The following EFHC1 variants were observed in gnomAD, a reference collection of about 807,000 sequenced individuals.
EFHC1 encodes the protein EF-hand domain containing 1.
Under a neutral mutation model 69.9 loss-of-function variants are expected in EFHC1, and 53 were observed. The ratio of observed to expected loss-of-function variants is 0.76; its 90% confidence interval spans 0.61 to 0.95. The LOEUF is 0.95. Ranked by LOEUF, EFHC1 falls within the 40% of genes least tolerant of loss-of-function variation. The pLI is 0.00. For missense variants in EFHC1, 739 were observed against 798.7 expected, an observed-to-expected ratio of 0.93 and a Z score of 0.90; for synonymous variants, 256 against 278.4, an observed-to-expected ratio of 0.92 and a Z score of 0.80.
chr6:52,424,146 G>A lies in EFHC1; in HGVS notation c.264G>A (p.Ala88=), dbSNP rs1455166533. 5.6e-6 allele frequency: 9 copies of A among 1,613,836 alleles called. No homozygotes were observed. The highest frequency in any genetic ancestry group is 3.3e-5 in the Admixed American group (2 of 60,006). Residue 88 remains alanine (A), a synonymous_variant, in exon 2 of 11, where the codon GCG becomes GCA. Coordinates refer to ENST00000371068, the MANE Select transcript of EFHC1 (RefSeq NM_018100.4). ...CCCCACCTGCGGATTTTATTCCTGC[G>A]CATGTGGCCTTTGACAAAAAGGTAT... The part of the protein sequence containing the change: ...KQAPPADFIP[A]HVAFDKKVLK...
chr6:52,429,599 T>C (rs768963489), intron 2 of EFHC1, among the ~76,000 whole-genome samples: 8 of 152,192 alleles, frequency 5.3e-5, no homozygotes, highest in Admixed American at 2.0e-4. Flanking sequence ...ACTATGGTCT[T>C]ATAGTATAGT....
intron 2 of EFHC1, among the ~76,000 whole-genome samples, chr6:52,433,502 G>T (rs1221285175): frequency 1.3e-5 from 2 of 152,218 alleles, no homozygotes; most frequent in Admixed American, 6.5e-5. Flanking sequence ...ACTGGGGGTT[G>T]TCTGCACAGA....
chr6:52,436,376 C>A (rs1764532397), intron 2 of EFHC1, among the ~76,000 whole-genome samples: 1 of 151,588 alleles, frequency 6.6e-6, no homozygotes, highest in Non-Finnish European at 1.5e-5. Context: ...GTTACGCTAC[C>A]CATTTTTTTT....
chr6:52,452,289 A>G (rs886143428), intron 3 of EFHC1, among the ~76,000 whole-genome samples: 1 of 152,106 alleles, frequency 6.6e-6, no homozygotes, highest in African/African-American at 2.4e-5. Context: ...AGAAATCATT[A>G]TTACACTTTT....
At chr6:52,486,056 C>T (rs533783531) in intron 9 of EFHC1, 1 of 152,118 alleles carries the variant, frequency 6.6e-6, no homozygotes, top group Non-Finnish European at 1.5e-5. Context: ...GCGTTTAGCT[C>T]CCGACTCACC....
Position 52,469,383 on chromosome 6 carries a change from T to C in EFHC1, c.1188T>C (p.Asn396=). The part of the protein sequence containing the change: ...GFGLVEDSAQ[N]CFALIPKAPK... The stretch of plus-strand genomic sequence containing the variant: ...GACTAGTGGAAGATTCTGCTCAGAA[T>C]TGTTTTGCTCTCATTCCAAAAGCTC... Residue 396 remains asparagine (N), a synonymous_variant, in exon 7 of 11, where the codon AAT becomes AAC. Transcript: ENST00000371068. The C allele has an allele frequency of 1.2e-6, 2 of 1,614,068 alleles. No individual in the cohort carries two copies. Among genetic ancestry groups the C allele is most frequent in the Middle Eastern group, 1.7e-4 (1 of 6,060 alleles).
At chr6:52,470,429 C>T (rs1765412026) in intron 7 of EFHC1, among the ~76,000 whole-genome samples, 1 of 152,186 alleles carries the variant, frequency 6.6e-6, no homozygotes, top group Non-Finnish European at 1.5e-5. Context: ...GTAACTATAA[C>T]TCCTTAAGGG....
In EFHC1 at chr6:52,479,668, T is replaced by TAC; in HGVS notation, c.1523_1524dup (p.Asp509GlnfsTer6). The TAC allele has an allele frequency of 6.2e-7, 1 of 1,614,228 alleles. No individual in the cohort carries two copies. The highest frequency in any genetic ancestry group is 8.5e-7 in the Non-Finnish European group (1 of 1,180,042). On this transcript the variant is annotated frameshift_variant, in exon 9 of 11. Coordinates refer to ENST00000371068, the MANE Select transcript of EFHC1 (RefSeq NM_018100.4). LOFTEE classifies it high-confidence loss of function. ...TTGGTCACCGGTTCATCATCCTTGATACAGACGAGTATGTTTTGAAATACA... is the reference window on the plus strand; with the variant it reads ...TTGGTCACCGGTTCATCATCCTTGATACACAGACGAGTATGTTTTGAAATACA...
intron 4 of EFHC1, 166 bp downstream of exon 4, chr6:52,453,003 G>C (rs745861268): frequency 1.4e-5 from 21 of 1,546,046 alleles, no homozygotes; most frequent in Non-Finnish European, 1.7e-5. Context: ...AGGGTTACAG[G>C]TACAGGAATG....
chr6:52,452,878 A>C, intron 4 of EFHC1, 41 bp downstream of exon 4: 1 of 1,613,150 alleles, frequency 6.2e-7, no homozygotes, highest in Non-Finnish European at 8.5e-7. Flanking sequence ...CTTATTTCCA[A>C]ATGTGACCTA....
chr6:52,453,310 A>T, intron 4 of EFHC1: 1 of 1,287,350 alleles, frequency 7.8e-7, no homozygotes, highest in South Asian at 1.2e-5. Context: ...TTATATTAAT[A>T]TTGGAGTCCA....
At chr6:52,484,860 A>G (rs1765754459) in intron 9 of EFHC1, among the ~76,000 whole-genome samples, 1 of 152,184 alleles carries the variant, frequency 6.6e-6, no homozygotes, top group Non-Finnish European at 1.5e-5. Flanking sequence ...TGGAGGTTTC[A>G]AGAGAGAGGA....
rs781076665 is a variant in EFHC1 at position 52,453,490 on chromosome 6, C to A, written c.724-605C>A. The A allele has an allele frequency of 1.2e-5, 15 of 1,286,920 alleles. No homozygotes were observed. In the South Asian group the frequency reaches 1.9e-4, roughly 16 times the overall value. The allele number at this position is 1,286,920 out of a possible 1,614,324, so 79.7% of individuals were successfully genotyped here. On this transcript the variant is annotated intron_variant, in intron 4 of 10. Coordinates refer to ENST00000371068, the MANE Select transcript of EFHC1 (RefSeq NM_018100.4). The stretch of plus-strand genomic sequence containing the variant: ...CTGCTCCTTTTCTTTAGACATTTAA[C>A]CCCTTTTAGTTCAGAAAATGTAAAC...
At chr6:52,490,676 T>C (rs1765881809) in intron 10 of EFHC1, 1 of 534,942 alleles carries the variant, frequency 1.9e-6, no homozygotes, top group Non-Finnish European at 3.3e-6. Context: ...GATAAGTTGA[T>C]AGAGCAGACT....
At chr6:52,488,683 C>T (rs983664402) in intron 9 of EFHC1, 3 of 152,166 alleles carry the variant, frequency 2.0e-5, no homozygotes, top group East Asian at 1.9e-4. Context: ...TAGGTAACTA[C>T]CTCTTTCATT....
At chr6:52,447,733 C>T (rs1418560287) in intron 3 of EFHC1, among the ~76,000 whole-genome samples, 10 of 152,304 alleles carry the variant, frequency 6.6e-5, no homozygotes, top group African/African-American at 9.6e-5. Flanking sequence ...ATGATGGTGA[C>T]GTACAGATAG....
At chr6:52,431,416 G>T (rs1052355804) in intron 2 of EFHC1, among the ~76,000 whole-genome samples, 1 of 152,070 alleles carries the variant, frequency 6.6e-6, no homozygotes, top group Non-Finnish European at 1.5e-5. Context: ...TTGTCATTCA[G>T]TTCGAATGAT....
chr6:52,460,382 G>A (rs1765138556), intron 5 of EFHC1, among the ~76,000 whole-genome samples: 1 of 152,156 alleles, frequency 6.6e-6, no homozygotes, highest in African/African-American at 2.4e-5. Context: ...AGGAGAGTTA[G>A]ATTATAAAAG....
intron 9 of EFHC1, chr6:52,482,629 A>C (rs767913838): frequency 7.6e-6 from 3 of 392,732 alleles, no homozygotes; most frequent in Non-Finnish European, 1.3e-5. Flanking sequence ...CCAACATTTT[A>C]TGATTTTTGC....
Sources: gnomAD v4.1 joint callset for allele counts (sites outside exome capture counted in the v4.1 genomes callset) on GRCh38, gnomAD v4.1.1 for gene constraint, MANE v1.5 for transcripts, NCBI Gene and HGNC (gene_info 2026-07-23, HGNC 2026-07-21) for gene names.